DDAH1: variants seen among roughly 807,000 people sequenced by gnomAD.
DDAH1 encodes dimethylarginine dimethylaminohydrolase 1, also known as N(G),N(G)-dimethylarginine dimethylaminohydrolase 1.
Under a neutral mutation model 28.8 loss-of-function variants are expected in DDAH1, and 19 were observed. The ratio of observed to expected loss-of-function variants is 0.66; its 90% CI spans 0.46 to 0.97. DDAH1 has a LOEUF of 0.97. DDAH1 is among the 50% of genes least tolerant of loss of function. DDAH1 has a pLI of 0.00. For synonymous variants in DDAH1, 153 were observed against 154.4 expected, an observed-to-expected ratio of 0.99 and a Z score of 0.07; for missense variants, 326 against 375.9, an observed-to-expected ratio of 0.87 and a Z score of 1.10.
intron 1 of DDAH1, among the ~76,000 whole-genome samples, chr1:85,508,347 A>C (rs677691): frequency 0.46 from 69,332 of 152,128 alleles, 17,387 homozygotes; most frequent in South Asian, 0.69. Flanking sequence ...GCAAGGTAAG[A>C]TAGGCCAAGA....
intron 1 of DDAH1, among the ~76,000 whole-genome samples, chr1:85,507,531 C>T (rs12733080): frequency 6.9e-5 from 5 of 71,950 alleles, no homozygotes; most frequent in Non-Finnish European, 1.4e-4. Flanking sequence ...AATAAATAAA[C>T]AAACAAACAG....
chr1:85,400,326 G>A (rs2100574770), intron 1 of DDAH1, among the ~76,000 whole-genome samples: 1 of 151,420 alleles, frequency 6.6e-6, no homozygotes, highest in African/African-American at 2.4e-5. Context: ...TGAGTAGCTG[G>A]GATTACAGGT....
chr1:85,558,849 G>T (rs1417475154), intron 1 of DDAH1, among the ~76,000 whole-genome samples: 5 of 151,942 alleles, frequency 3.3e-5, no homozygotes, highest in African/African-American at 1.2e-4. Flanking sequence ...TTTTTGCTCT[G>T]CTTTTGTTTA....
At chr1:85,358,869 A>C (rs1343369009) in intron 1 of DDAH1, 22 bp from the exon 2 acceptor site, 3 of 1,524,796 alleles carry the variant, frequency 2.0e-6, no homozygotes, top group Non-Finnish European at 2.7e-6. Context: ...AAAATGATTC[A>C]GATTACTATG....
chr1:85,519,459 A>C (rs1196061827), intron 1 of DDAH1, among the ~76,000 whole-genome samples: 2 of 152,252 alleles, frequency 1.3e-5, no homozygotes, highest in Non-Finnish European at 2.9e-5. Context: ...AGTTTTAAAA[A>C]TGATGCGTAA....
At chr1:85,400,480 G>C (rs1326629154) in intron 1 of DDAH1, among the ~76,000 whole-genome samples, 1 of 151,816 alleles carries the variant, frequency 6.6e-6, no homozygotes, top group Non-Finnish European at 1.5e-5. Flanking sequence ...CTGGGATTAC[G>C]ACTTGAGCCA....
chr1:85,343,196 G>GA (rs949588847), intron 4 of DDAH1, among the ~76,000 whole-genome samples: 5 of 151,678 alleles, frequency 3.3e-5, no homozygotes, highest in African/African-American at 9.7e-5. Flanking sequence ...AGCCCAAAAG[G>GA]AAAAAAAAGC....
At chr1:85,414,598 C>T (rs1652802062) in intron 1 of DDAH1, among the ~76,000 whole-genome samples, 1 of 152,130 alleles carries the variant, frequency 6.6e-6, no homozygotes, top group Non-Finnish European at 1.5e-5. Context: ...GAAAAATGGA[C>T]AATTGATCGA....
chr1:85,418,070 T>C (rs1652963872), intron 1 of DDAH1, among the ~76,000 whole-genome samples: 1 of 152,240 alleles, frequency 6.6e-6, no homozygotes, highest in Non-Finnish European at 1.5e-5. Context: ...CAGAGCTCTT[T>C]GAAAACATTA....
At chr1:85,352,751 T>A (rs531134673) in intron 2 of DDAH1, among the ~76,000 whole-genome samples, 9 of 152,226 alleles carry the variant, frequency 5.9e-5, no homozygotes, top group Non-Finnish European at 8.8e-5. Flanking sequence ...ACTAGAAATA[T>A]GCCAGAGGAA....
rs888506283 is a variant in DDAH1 at position 85,378,183 on chromosome 1, C to CAGGT, written c.304-19340_304-19337dup. On this transcript the variant is annotated intron_variant, in intron 1 of 5. Transcript: ENST00000284031. The stretch of plus-strand genomic sequence containing the variant: ...CCCTATTAAAGGTAAAGTGATAGAG[C>CAGGT]AGGTGTAAGCTATTATGAGGAGGCC... Among the ~76,000 whole-genome samples, 7 of 152,266 alleles carry CAGGT rather than the reference C, an allele frequency of 4.6e-5. No individual in the cohort carries two copies. The East Asian group carries it at 9.7e-4, about 21-fold the overall frequency.
intron 5 of DDAH1, among the ~76,000 whole-genome samples, chr1:85,322,006 C>G (rs1413828842): frequency 6.6e-6 from 1 of 152,118 alleles, no homozygotes; most frequent in Non-Finnish European, 1.5e-5. Flanking sequence ...CTCAACTTCC[C>G]AGGCTCAAGT....
At chr1:85,434,655 G>T (rs1653849480) in intron 1 of DDAH1, among the ~76,000 whole-genome samples, 1 of 152,042 alleles carries the variant, frequency 6.6e-6, no homozygotes, top group African/African-American at 2.4e-5. Flanking sequence ...GCCTCCCAAA[G>T]TGGTGGGATT....
intron 1 of DDAH1, among the ~76,000 whole-genome samples, chr1:85,359,201 C>G (rs1484729900): frequency 6.6e-6 from 1 of 152,146 alleles, no homozygotes; most frequent in East Asian, 1.9e-4. Flanking sequence ...CTGACCAGTT[C>G]GGCCACTGTT....
intron 1 of DDAH1, among the ~76,000 whole-genome samples, chr1:85,407,705 TG>T (rs1652470933): frequency 6.6e-6 from 1 of 152,250 alleles, no homozygotes. Context: ...TGTTGGTTTT[TG>T]GTAATATTGA....
At chr1:85,338,389 T>A (rs1285964744) in intron 4 of DDAH1, among the ~76,000 whole-genome samples, 2 of 152,232 alleles carry the variant, frequency 1.3e-5, no homozygotes, top group East Asian at 3.8e-4. Context: ...GGAGTTATGC[T>A]TGATTTTCCT....
At chr1:85,509,233 C>T (rs930012275) in intron 1 of DDAH1, among the ~76,000 whole-genome samples, 3 of 152,342 alleles carry the variant, frequency 2.0e-5, no homozygotes, top group East Asian at 3.9e-4. Context: ...CAAACTCCAA[C>T]AGACCTGCAG....
intron 1 of DDAH1, among the ~76,000 whole-genome samples, chr1:85,421,573 T>A (rs1653142416): frequency 6.6e-6 from 1 of 152,206 alleles, no homozygotes; most frequent in Non-Finnish European, 1.5e-5. Context: ...ATAGTTTTGC[T>A]GCCCACAAAA....
chr1:85,504,808 C>T (rs1232009369), intron 1 of DDAH1, among the ~76,000 whole-genome samples: 2 of 152,032 alleles, frequency 1.3e-5, no homozygotes, highest in African/African-American at 2.4e-5. Context: ...GGCAATGTTT[C>T]CCAGGGTTGC....
Sources: allele counts gnomAD v4.1 joint callset (sites outside exome capture counted in the v4.1 genomes callset), GRCh38; gene constraint gnomAD v4.1.1; transcripts MANE v1.5; gene names NCBI Gene and HGNC (gene_info 2026-07-23, HGNC 2026-07-21).